STYXL1: variants seen among roughly 807,000 people sequenced by gnomAD.
STYXL1 encodes the protein serine/threonine/tyrosine-interacting-like protein 1.
STYXL1 carries 32 observed loss-of-function variants against 36.4 expected under a neutral mutation model. The observed-to-expected ratio is 0.88, with a 90% CI of 0.66 to 1.18. The LOEUF (loss-of-function observed/expected upper bound fraction) is 1.18, where lower values mean the gene tolerates loss of function less well. STYXL1 is among the 50% of genes most tolerant of loss of function. The probability of loss-of-function intolerance (pLI) is 0.00; values close to 1 mark genes in which losing one functional copy is unlikely to be tolerated. For missense variants in STYXL1, 354 were observed against 394.1 expected (o/e 0.90, Z 0.86); for synonymous variants, 133 against 144.1 (o/e 0.92, Z 0.55).
intron 8 of STYXL1, among the ~76,000 whole-genome samples, chr7:75,997,719 TACACACACACACA>T (rs374436226): frequency 2.6e-5 from 4 of 151,528 alleles, no homozygotes; most frequent in African/African-American, 7.3e-5. Context: ...CCCTAAAGAT[TACACACACACACA>T]ACACACACAC....
intron 1 of STYXL1, among the ~76,000 whole-genome samples, chr7:76,046,947 G>A (rs1554583916): frequency 6.6e-6 from 1 of 151,410 alleles, no homozygotes; most frequent in African/African-American, 2.4e-5. Context: ...CACCTTGCCT[G>A]GGGGTGTTGT....
intron 8 of STYXL1, among the ~76,000 whole-genome samples, chr7:75,999,943 G>A (rs994351388): frequency 1.8e-4 from 28 of 152,060 alleles, no homozygotes; most frequent in African/African-American, 6.7e-4. Context: ...GTCAGAACAG[G>A]CCCTGGAGGA....
At chr7:76,039,432 AT>A in intron 1 of STYXL1, among the ~76,000 whole-genome samples, 1 of 152,122 alleles carries the variant, frequency 6.6e-6, no homozygotes, top group Non-Finnish European at 1.5e-5. Context: ...AGCTTGACAC[AT>A]TCTCTGTGGC....
intron 3 of STYXL1, among the ~76,000 whole-genome samples, 171 bp from the exon 4 acceptor site, chr7:76,022,163 C>T (rs1187794498): frequency 6.6e-6 from 1 of 152,082 alleles, no homozygotes; most frequent in African/African-American, 2.4e-5. Context: ...CTGTTAAATC[C>T]CAAGGATCCT....
intron 4 of STYXL1, among the ~76,000 whole-genome samples, chr7:76,014,874 G>C (rs559031289): frequency 2.0e-5 from 3 of 152,042 alleles, no homozygotes; most frequent in African/African-American, 7.2e-5. Context: ...AAAACATATA[G>C]ACCAATGGAA....
chr7:76,042,396 T>TTTTTTTTG (rs1796563515), intron 1 of STYXL1, among the ~76,000 whole-genome samples: 1 of 78,146 alleles, frequency 1.3e-5, no homozygotes, highest in Non-Finnish European at 2.3e-5. Context: ...TGTGCTTTTT[T>TTTTTTTTG]TTTTTTTTTT....
At chr7:75,998,741 C>A (rs544610666) in intron 8 of STYXL1, 1 of 152,054 alleles carries the variant, frequency 6.6e-6, no homozygotes, top group South Asian at 2.1e-4. Context: ...ATCAAAAAAA[C>A]CAAAAGCCGG....
chr7:76,030,401 G>C lies in STYXL1; in HGVS notation c.103+20C>G, dbSNP rs148950034. 4 of 1,574,712 alleles carry C rather than the reference G, an allele frequency of 2.5e-6. No homozygotes were observed. In the East Asian group the frequency reaches 9.0e-5, roughly 35 times the overall value. ...AAGGACACTGTGTTTGACCTCCTCCGCTTTTTTCCAAGTACTTACCCAATA... is the reference window on the plus strand; with the variant it reads ...AAGGACACTGTGTTTGACCTCCTCCCCTTTTTTCCAAGTACTTACCCAATA... On this transcript the variant is annotated intron_variant, in intron 2 of 8. Coordinates refer to ENST00000359697, the MANE Select transcript of STYXL1 (RefSeq NM_001317785.2).
At chr7:76,020,096 G>A (rs1253789377) in intron 4 of STYXL1, among the ~76,000 whole-genome samples, 3 of 152,116 alleles carry the variant, frequency 2.0e-5, no homozygotes, top group Admixed American at 2.0e-4. Flanking sequence ...GGGCCCCATA[G>A]CAAAGTAAGG....
intron 5 of STYXL1, among the ~76,000 whole-genome samples, chr7:76,006,105 C>G (rs1791731664): frequency 6.6e-6 from 1 of 152,062 alleles, no homozygotes. Flanking sequence ...GTCTCTCACT[C>G]TGTCACCCAG....
chr7:76,024,852 G>A (rs1300729390), intron 3 of STYXL1, among the ~76,000 whole-genome samples: 1 of 149,328 alleles, frequency 6.7e-6, no homozygotes, highest in Non-Finnish European at 1.5e-5. Flanking sequence ...GGGAGACTGA[G>A]GCAGAAGAAT....
At chr7:76,043,328 T>C (rs1219445620) in intron 1 of STYXL1, among the ~76,000 whole-genome samples, 2 of 151,718 alleles carry the variant, frequency 1.3e-5, no homozygotes, top group Non-Finnish European at 2.9e-5. Context: ...TTTGTAGAGA[T>C]GGGGTTTCAC....
At chr7:76,006,895 T>TATGA (rs1372313227) in intron 5 of STYXL1, among the ~76,000 whole-genome samples, 1 of 152,096 alleles carries the variant, frequency 6.6e-6, no homozygotes, top group African/African-American at 2.4e-5. Flanking sequence ...CATAAGGCAC[T>TATGA]ATGAGAAAAG....
intron 5 of STYXL1, among the ~76,000 whole-genome samples, chr7:76,012,643 G>C (rs556202978): frequency 2.4e-4 from 36 of 152,266 alleles, no homozygotes; most frequent in African/African-American, 8.2e-4. Context: ...GATCCATCCA[G>C]CTTGGCCTCC....
intron 7 of STYXL1, among the ~76,000 whole-genome samples, chr7:76,002,558 C>T (rs576220114): frequency 2.6e-5 from 4 of 152,270 alleles, no homozygotes; most frequent in Admixed American, 6.5e-5. Context: ...TCTGCCATCT[C>T]GAGGTGGGAC....
chr7:76,019,261 A>C (rs148955630), intron 4 of STYXL1, among the ~76,000 whole-genome samples: 10 of 151,904 alleles, frequency 6.6e-5, no homozygotes, highest in African/African-American at 2.2e-4. Context: ...AGAAAACAGC[A>C]TGAACTCTAA....
At chr7:76,018,940 G>A (rs770233687) in intron 4 of STYXL1, among the ~76,000 whole-genome samples, 23 of 152,258 alleles carry the variant, frequency 1.5e-4, no homozygotes, top group South Asian at 4.1e-4. Flanking sequence ...TTTCTGGTTC[G>A]CAGTGTATGA....
At chr7:76,044,592 A>G (rs1554582932) in intron 1 of STYXL1, 1 of 152,112 alleles carries the variant, frequency 6.6e-6, no homozygotes, top group African/African-American at 2.4e-5. Context: ...AGGGAGCCTG[A>G]CAATCTGTGA....
intron 4 of STYXL1, among the ~76,000 whole-genome samples, chr7:76,016,298 A>G (rs539812760): frequency 2.0e-5 from 3 of 151,660 alleles, no homozygotes; most frequent in East Asian, 3.9e-4. Flanking sequence ...CTATACATAC[A>G]TGTGTATATA....
Sources: allele counts gnomAD v4.1 joint callset (sites outside exome capture counted in the v4.1 genomes callset), GRCh38; gene constraint gnomAD v4.1.1; transcripts MANE v1.5; gene names NCBI Gene and HGNC (gene_info 2026-07-23, HGNC 2026-07-21).